The following NUMA1 variants were observed in gnomAD, a reference collection of about 807,000 sequenced individuals.
The protein encoded by NUMA1 is SP-H antigen.
Under a neutral mutation model 237.1 loss-of-function variants are expected in NUMA1, and 62 were observed. The ratio of observed to expected loss-of-function variants is 0.26; its 90% CI spans 0.21 to 0.32. The LOEUF (loss-of-function observed/expected upper bound fraction) is 0.32. Ranked by LOEUF, NUMA1 falls within the 10% of genes least tolerant of loss-of-function variation. NUMA1 has a pLI of 1.00. For missense variants in NUMA1, 2,533 were observed against 2,666.5 expected, an observed-to-expected ratio of 0.95 and a Z score of 1.10; for synonymous variants, 1,028 against 1,066.1, an observed-to-expected ratio of 0.96 and a Z score of 0.70.
intron 3 of NUMA1, among the ~76,000 whole-genome samples, chr11:72,033,036 T>C (rs1302921557): frequency 2.0e-5 from 3 of 152,190 alleles, no homozygotes; most frequent in Non-Finnish European, 4.4e-5. Flanking sequence ...ATGTGTATGT[T>C]CTATGCCACT....
chr11:72,013,945 G>A lies in NUMA1; in HGVS notation c.3558C>T (p.Ala1186=). ...AGGCAGCCAACTCCCGTTGGGCCGA[G>A]GCTAAGGCACTCTGACTGTGCCCTA... ...QELGHSQSAL[A]SAQRELAAFR... Residue 1186 remains alanine (A), a synonymous_variant, in exon 15 of 27, where the codon GCC becomes GCT. Transcript: ENST00000393695. This position sits in a 1 kb window ranked among gnomAD's most constrained non-coding sequence, Gnocchi z 6.8. The A allele has an allele frequency of 5.6e-6, 9 of 1,613,876 alleles. No homozygotes were observed. Among genetic ancestry groups the A allele is most frequent in the Non-Finnish European group, 7.6e-6 (9 of 1,180,032 alleles).
At chr11:72,003,667 C>A in intron 26 of NUMA1, 129 bp from the exon 27 acceptor site, 1 of 1,258,956 alleles carries the variant, frequency 7.9e-7, no homozygotes, top group Non-Finnish European at 1.2e-6. Flanking sequence ...CCAGGGTTAT[C>A]AGTTGCTGGC....
At chr11:72,063,753 C>T (rs1016133008) in intron 2 of NUMA1, among the ~76,000 whole-genome samples, 90 of 149,174 alleles carry the variant, frequency 6.0e-4, no homozygotes, top group African/African-American at 2.2e-3. Context: ...CATGTCTCTA[C>T]AAAAAATTTA....
chr11:72,030,399 G>C (rs751751617), intron 3 of NUMA1, among the ~76,000 whole-genome samples: 2 of 151,946 alleles, frequency 1.3e-5, no homozygotes, highest in Non-Finnish European at 2.9e-5. Flanking sequence ...GAAAGAATAG[G>C]AGCTGGGAAT....
chr11:72,033,468 C>A (rs544762591), intron 3 of NUMA1, among the ~76,000 whole-genome samples: 1 of 151,682 alleles, frequency 6.6e-6, no homozygotes, highest in Non-Finnish European at 1.5e-5. Context: ...ACCTCCACAG[C>A]CTCAGGTGAT....
intron 4 of NUMA1, among the ~76,000 whole-genome samples, chr11:72,027,076 A>G (rs1342771099): frequency 6.6e-6 from 1 of 152,224 alleles, no homozygotes; most frequent in Admixed American, 6.5e-5. Flanking sequence ...CCCAAGGACA[A>G]CACACATCCT....
At chr11:72,035,500 C>T (rs145744312) in intron 3 of NUMA1, among the ~76,000 whole-genome samples, 4,587 of 149,322 alleles carry the variant, frequency 0.031, 63 homozygotes, top group East Asian at 0.076. Flanking sequence ...CTCCGCCTCC[C>T]GGGTTCAAGT....
intron 6 of NUMA1, 54 bp downstream of exon 6, chr11:72,023,011 G>C (rs1268402741): frequency 7.5e-7 from 1 of 1,328,002 alleles, no homozygotes; most frequent in East Asian, 2.3e-5. Flanking sequence ...GGGTCCCTCA[G>C]GTACCATCAC....
chr11:72,075,776 G>A (rs1187152903), intron 1 of NUMA1, among the ~76,000 whole-genome samples: 1 of 152,198 alleles, frequency 6.6e-6, no homozygotes, highest in East Asian at 1.9e-4. Context: ...GATCTGAACT[G>A]ACATATAGAT....
rs754047635 is a variant in NUMA1 at position 72,018,307 on chromosome 11, G to C, written c.861-7C>G. ...ATGCAGCCGCATGGTAAGGCTGCGA[G>C]GGAGGGAAGCAGTGAGAAGAGAGTA... On this transcript the variant is annotated splice_region_variant and splice_polypyrimidine_tract_variant and intron_variant, in intron 11 of 26. Transcript: ENST00000393695. The C allele has an allele frequency of 1.2e-6, 2 of 1,613,100 alleles. No individual in the cohort carries two copies. The highest frequency in any genetic ancestry group is 8.5e-7 in the Non-Finnish European group (1 of 1,179,020).
rs1648407771 is a variant in NUMA1 at position 72,069,862 on chromosome 11, A to G, written c.-53T>C. 1.3e-5 allele frequency: 2 copies of G among 152,222 alleles called. No homozygotes were observed. Among genetic ancestry groups the G allele is most frequent in the Non-Finnish European group, 2.9e-5 (2 of 68,058 alleles). 9.4% of individuals were successfully genotyped at this position (152,222 alleles called of 1,614,324 possible). On this transcript the variant is annotated 5_prime_UTR_variant, in exon 2 of 27. Coordinates refer to ENST00000393695, the MANE Select transcript of NUMA1 (RefSeq NM_006185.4). ...CTTACCTCCTGGTGGAAGCCTCCAC[A>G]CACTAGAACAGGGTGATCTCCAGCA...
intron 2 of NUMA1, among the ~76,000 whole-genome samples, chr11:72,058,580 A>G (rs1242619129): frequency 6.6e-6 from 1 of 152,218 alleles, no homozygotes; most frequent in African/African-American, 2.4e-5. Flanking sequence ...GTTAAAGAAA[A>G]AAAACTATTT....
chr11:72,006,013 TAAGTCCCTG>T lies in NUMA1; in HGVS notation c.5692+13_5692+21del. ...CTTCCAGTCTAATTTTGGGGTATAG[TAAGTCCCTG>T]TAGTCCCCTCACCTGGAGGGGCCCC... On this transcript the variant is annotated intron_variant, in intron 22 of 26. Transcript: ENST00000393695. The T allele has an allele frequency of 1.3e-6, 2 of 1,570,140 alleles. No homozygotes were observed. Among genetic ancestry groups the T allele is most frequent in the Non-Finnish European group, 1.7e-6 (2 of 1,147,320 alleles).
At position 72,003,333 on chromosome 11, in the gene NUMA1, CT is replaced by C. The variant is rs372286018; in HGVS notation, c.*193del. 1.6e-6 allele frequency: 1 copy of C among 626,954 alleles called. No individual in the cohort carries two copies. Among genetic ancestry groups the C allele is most frequent in the Non-Finnish European group, 2.9e-6 (1 of 345,068 alleles). The allele number at this position is 626,954 out of a possible 1,614,324, so 38.8% of individuals were successfully genotyped here. On this transcript the variant is annotated 3_prime_UTR_variant, in exon 27 of 27. Transcript: ENST00000393695. ...CCACACTGTCCATGCTCCAGGCCCC[CT>C]GGGCCAGCTCCGAGAAGGCGCCAGT... is the stretch of plus-strand genomic sequence containing the variant.
intron 5 of NUMA1, among the ~76,000 whole-genome samples, chr11:72,023,563 C>T (rs546710142): frequency 2.0e-4 from 31 of 152,234 alleles, no homozygotes; most frequent in African/African-American, 6.3e-4. Flanking sequence ...TTATACTGCC[C>T]GAGGGTCTGG....
At chr11:72,078,636 G>A (rs533076937) in intron 1 of NUMA1, among the ~76,000 whole-genome samples, 16 of 152,318 alleles carry the variant, frequency 1.1e-4, no homozygotes, top group Admixed American at 2.6e-4. Flanking sequence ...GGAATGTACC[G>A]CTTTTCGCTG....
intron 2 of NUMA1, among the ~76,000 whole-genome samples, chr11:72,044,927 A>T (rs1265994957): frequency 6.6e-6 from 1 of 152,020 alleles, no homozygotes; most frequent in Non-Finnish European, 1.5e-5. Flanking sequence ...CAGGCTCCCA[A>T]GTGCTGGATT....
At chr11:72,059,661 G>A (rs551739686) in intron 2 of NUMA1, among the ~76,000 whole-genome samples, 1 of 152,290 alleles carries the variant, frequency 6.6e-6, no homozygotes, top group Non-Finnish European at 1.5e-5. Flanking sequence ...CATTTAGGTT[G>A]TTCACAGTGT....
chr11:72,018,759 G>A (rs1938291455), intron 10 of NUMA1, 64 bp downstream of exon 10: 1 of 1,552,774 alleles, frequency 6.4e-7, no homozygotes, highest in African/African-American at 1.4e-5. Flanking sequence ...GGACAACATG[G>A]GAGGCCAGGG....
Sources: allele counts gnomAD v4.1 joint callset (sites outside exome capture counted in the v4.1 genomes callset), GRCh38; gene constraint gnomAD v4.1.1; non-coding constraint Gnocchi (gnomAD v3.1); transcripts MANE v1.5; gene names NCBI Gene and HGNC (gene_info 2026-07-23, HGNC 2026-07-21).